IGF2R: variants seen among roughly 807,000 people sequenced by gnomAD.
The protein encoded by IGF2R is cation-independent mannose-6-phosphate receptor.
Under a neutral mutation model 270.6 loss-of-function variants are expected in IGF2R, and 91 were observed. That is an observed-to-expected ratio of 0.34 (90% CI 0.28 to 0.40). IGF2R has a LOEUF of 0.40. Among genes scored for constraint, IGF2R ranks in the 10% least tolerant of loss-of-function variants. The pLI, the probability that IGF2R is intolerant of heterozygous loss-of-function variation, is 1.00. For missense variants in IGF2R, 2,805 were observed against 3,188.3 expected, an observed-to-expected ratio of 0.88 and a Z score of 2.90; for synonymous variants, 1,316 against 1,258.9, an observed-to-expected ratio of 1.05 and a Z score of -0.96.
At chr6:159,981,202 G>C in intron 1 of IGF2R, among the ~76,000 whole-genome samples, 1 of 152,222 alleles carries the variant, frequency 6.6e-6, no homozygotes, top group East Asian at 1.9e-4. Context: ...GGGCAGGCCA[G>C]AGTGGCATCC....
In IGF2R at chr6:160,034,403, A is replaced by G. The variant is rs999054697; in HGVS notation, c.1212-16A>G. On this transcript the variant is annotated splice_polypyrimidine_tract_variant and intron_variant, in intron 9 of 47. Coordinates refer to ENST00000356956, the MANE Select transcript of IGF2R (RefSeq NM_000876.4). ...TTCTCCCAAACACATTTGTCTGTGT[A>G]TTCACAAAAATCTAGATATTCGGAT... is the stretch of plus-strand genomic sequence containing the variant. 1 of 1,524,260 alleles carries G rather than the reference A, an allele frequency of 6.6e-7. No homozygotes were observed. Among genetic ancestry groups the G allele is most frequent in the Non-Finnish European group, 9.1e-7 (1 of 1,099,686 alleles). The allele number at this position is 1,524,260 out of a possible 1,614,324, so 94.4% of individuals were successfully genotyped here.
In IGF2R at chr6:160,027,188, C is replaced by T. The variant is rs777659419; in HGVS notation, c.650C>T (p.Thr217Ile). ...TAATGTAATACATGATTTTCAGACA[C>T]ACTACGAGACCCAGGTTCACAGCTG... ...LFINVCRDID[T>I]LRDPGSQLRA... The change falls in exon 6 of 48, where the codon ACA (threonine) becomes ATA (isoleucine). Residue 217 changes from threonine (T) to isoleucine (I), a missense_variant. Around this residue, in one of 2 missense-constraint regions of IGF2R, gnomAD observed 954 missense variants for 981.1 expected, o/e 0.97. Coordinates refer to ENST00000356956, the MANE Select transcript of IGF2R (RefSeq NM_000876.4). The T allele has an allele frequency of 1.2e-5, 19 of 1,614,080 alleles. No individual in the cohort carries two copies. Among genetic ancestry groups the T allele is most frequent in the Admixed American group, 6.7e-5 (4 of 60,014 alleles).
In IGF2R at chr6:160,068,232, G is replaced by A. The variant is rs899921693; in HGVS notation, c.4116-17G>A. ...ATACGACCAAGCCTAACTAACTGCG[G>A]GTTTTCTTCTTTTCAGAGATGGGGC... On this transcript the variant is annotated splice_polypyrimidine_tract_variant and intron_variant, in intron 29 of 47. Transcript: ENST00000356956. The A allele has an allele frequency of 3.1e-6, 5 of 1,613,930 alleles. No individual in the cohort carries two copies. The highest frequency in any genetic ancestry group is 1.3e-5 in the African/African-American group (1 of 75,030).
chr6:160,058,296 T>C (rs1778356881), intron 21 of IGF2R, among the ~76,000 whole-genome samples, 172 bp downstream of exon 21: 1 of 152,124 alleles, frequency 6.6e-6, no homozygotes, highest in African/African-American at 2.4e-5. Context: ...AGTAAAACCA[T>C]TTACCACCAT....
chr6:160,089,197 G>T lies in IGF2R; in HGVS notation c.6411G>T (p.Gly2137=). 1 of 1,613,318 alleles carries T rather than the reference G, an allele frequency of 6.2e-7. No homozygotes were observed. Among genetic ancestry groups the T allele is most frequent in the Non-Finnish European group, 8.5e-7 (1 of 1,179,296 alleles). The change falls in exon 43 of 48, where the codon GGG becomes GGT. Residue 2137 remains glycine, a synonymous_variant. Coordinates refer to ENST00000356956, the MANE Select transcript of IGF2R (RefSeq NM_000876.4). The part of the protein sequence containing the change: ...VKPQEVQMVN[G]TITNPINGKS... Reference sequence around the variant, plus strand: ...CTCAGGAGGTGCAGATGGTGAATGGGACCATCACCAACCCTATAAATGGCA... The same window carrying T: ...CTCAGGAGGTGCAGATGGTGAATGGTACCATCACCAACCCTATAAATGGCA...
chr6:159,992,148 A>G (rs1783988695), intron 2 of IGF2R, among the ~76,000 whole-genome samples: 2 of 152,232 alleles, frequency 1.3e-5, no homozygotes, highest in African/African-American at 2.4e-5. Context: ...TCTGATAACT[A>G]GAAGAAGATG....
intron 4 of IGF2R, among the ~76,000 whole-genome samples, chr6:160,012,960 C>T (rs1000310479): frequency 1.3e-5 from 2 of 151,684 alleles, no homozygotes; most frequent in Non-Finnish European, 2.9e-5. Flanking sequence ...TCCAGTTGGC[C>T]GGATCTGAGT....
chr6:160,059,876 A>G (rs1263252039), intron 22 of IGF2R, among the ~76,000 whole-genome samples: 1 of 152,264 alleles, frequency 6.6e-6, no homozygotes, highest in African/African-American at 2.4e-5. Context: ...TGCTTCATTC[A>G]TTCCGATACA....
At chr6:159,996,088 T>A (rs1458652752) in intron 2 of IGF2R, among the ~76,000 whole-genome samples, 1 of 152,094 alleles carries the variant, frequency 6.6e-6, no homozygotes, top group Non-Finnish European at 1.5e-5. Flanking sequence ...ACAGAGACTC[T>A]GAGTTTCTTG....
chr6:160,008,485 A>G (rs1158358570), intron 2 of IGF2R, among the ~76,000 whole-genome samples: 1 of 152,190 alleles, frequency 6.6e-6, no homozygotes, highest in Non-Finnish European at 1.5e-5. Flanking sequence ...TGTTACAGTA[A>G]TGTCCTGGAC....
At chr6:160,082,615 AT>A (rs60210682) in intron 39 of IGF2R, among the ~76,000 whole-genome samples, 27 of 151,840 alleles carry the variant, frequency 1.8e-4, no homozygotes, top group Admixed American at 1.3e-3. Flanking sequence ...CAGCTATCTT[AT>A]TTTTTTTCGT....
At chr6:159,987,159 T>C (rs1301072831) in intron 1 of IGF2R, among the ~76,000 whole-genome samples, 1 of 152,222 alleles carries the variant, frequency 6.6e-6, no homozygotes, top group Admixed American at 6.5e-5. Flanking sequence ...TCCTTTAGTT[T>C]CAAACATGTG....
chr6:160,044,367 G>A (rs1329640911), intron 12 of IGF2R, 147 bp from the exon 13 acceptor site: 4 of 740,862 alleles, frequency 5.4e-6, no homozygotes, highest in Non-Finnish European at 8.9e-6. Context: ...GGTGGGTTCA[G>A]GGGGCTGGAG....
intron 4 of IGF2R, among the ~76,000 whole-genome samples, chr6:160,014,944 G>A (rs1317032765): frequency 6.6e-6 from 1 of 152,220 alleles, no homozygotes. Context: ...ACACTTAGGT[G>A]TCTGAGAAGT....
chr6:159,993,167 C>T (rs553005908), intron 2 of IGF2R, among the ~76,000 whole-genome samples: 16 of 152,180 alleles, frequency 1.1e-4, no homozygotes, highest in African/African-American at 3.9e-4. Flanking sequence ...GTCAGATGCA[C>T]AGTTTGCAAA....
intron 19 of IGF2R, among the ~76,000 whole-genome samples, chr6:160,054,046 A>G (rs4709394): frequency 3.9e-5 from 6 of 152,082 alleles, no homozygotes; most frequent in Admixed American, 1.3e-4. Context: ...TCTCAAATCT[A>G]ATTTGGAAAG....
intron 47 of IGF2R, 63 bp downstream of exon 47, chr6:160,103,878 A>T: frequency 8.8e-7 from 1 of 1,132,236 alleles, no homozygotes; most frequent in Non-Finnish European, 1.3e-6. Context: ...TGCGCTGTCC[A>T]TGTCGTTCTC....
Position 160,032,717 on chromosome 6 carries a change from A to G in IGF2R, c.1045+4A>G, listed in dbSNP as rs780553346. On this transcript the variant is annotated splice_donor_region_variant and intron_variant, in intron 8 of 47. Coordinates refer to ENST00000356956, the MANE Select transcript of IGF2R (RefSeq NM_000876.4). ...ACACCACTTGCCCAGAGCGGAGGTA[A>G]GCAGGTGCTTTCTGCCTCCTGGCGC... 3.1e-6 allele frequency: 5 copies of G among 1,613,212 alleles called. No homozygotes were observed. In the Admixed American group the frequency reaches 8.3e-5, roughly 27 times the overall value.
chr6:160,084,143 C>T lies in IGF2R; in HGVS notation c.6027C>T (p.Ser2009=), dbSNP rs761459436. The change falls in exon 40 of 48, where the codon TCC becomes TCT. Residue 2009 remains serine (S), a synonymous_variant. Transcript: ENST00000356956. This position sits in a 1 kb window ranked among gnomAD's most constrained non-coding sequence, Gnocchi z 4.6. ...KHKTYDLRLL[S]SLTGSWSLVH... is the part of the protein sequence containing the mutation. ...AAACCTACGACCTGCGGCTGCTCTCCTCTCTCACCGGGTCCTGGTCCCTCG... is the reference window on the plus strand; with the variant it reads ...AAACCTACGACCTGCGGCTGCTCTCTTCTCTCACCGGGTCCTGGTCCCTCG... The T allele has an allele frequency of 1.2e-6, 2 of 1,613,978 alleles. No individual in the cohort carries two copies. Among genetic ancestry groups the T allele is most frequent in the African/African-American group, 1.3e-5 (1 of 74,926 alleles).
Sources: allele counts gnomAD v4.1 joint callset (sites outside exome capture counted in the v4.1 genomes callset), GRCh38; gene constraint gnomAD v4.1.1; regional missense constraint gnomAD v4.1.1; non-coding constraint Gnocchi (gnomAD v3.1); transcripts MANE v1.5; gene names NCBI Gene and HGNC (gene_info 2026-07-23, HGNC 2026-07-21).